The following FIG4 variants were observed in gnomAD, a reference collection of about 807,000 sequenced individuals.
FIG4 encodes FIG4 phosphoinositide 5-phosphatase.
In FIG4, 112 loss-of-function variants were observed where a neutral mutation model predicts 118.6. The observed-to-expected ratio is 0.94, with a 90% CI of 0.81 to 1.11. The LOEUF is 1.11. FIG4 is among the 50% of genes least tolerant of loss of function. The pLI is 0.00. For synonymous variants in FIG4, 369 were observed against 381.2 expected (o/e 0.97, Z 0.37); for missense variants, 969 against 1,111.7 (o/e 0.87, Z 1.83).
At chr6:109,754,615 A>G (rs1776822232) in intron 10 of FIG4, among the ~76,000 whole-genome samples, 1 of 152,146 alleles carries the variant, frequency 6.6e-6, no homozygotes, top group Admixed American at 6.5e-5. Context: ...CCACAATTTC[A>G]GATCCTGTTA....
chr6:109,697,599 T>C (rs1051221229), intron 1 of FIG4, among the ~76,000 whole-genome samples: 2 of 152,142 alleles, frequency 1.3e-5, no homozygotes, highest in African/African-American at 2.4e-5. Flanking sequence ...GCAATGTCTT[T>C]TGTGACTGAG....
At position 109,727,259 on chromosome 6, in the gene FIG4, A is replaced by T; in HGVS notation, c.440A>T (p.Glu147Val). Reference sequence around the variant, plus strand: ...TCTGTACGGGTTACTCATCCTGATGAAGCTAGGTATGTATGGTGGTAACTA... The same window carrying T: ...TCTGTACGGGTTACTCATCCTGATGTAGCTAGGTATGTATGGTGGTAACTA... ...NDSVRVTHPDEARYLRIFQNV... is the reference protein window; with the variant it reads ...NDSVRVTHPDVARYLRIFQNV... Residue 147 changes from glutamate (E) to valine (V), a missense_variant, in exon 4 of 23, where the codon GAA becomes GTA. Physicochemically the swap from Glu to Val is moderately radical, Grantham distance 121. Around this residue, in one of 3 missense-constraint regions of FIG4, gnomAD observed 393 missense variants for 409.4 expected, o/e 0.96. Coordinates refer to ENST00000230124, the MANE Select transcript of FIG4 (RefSeq NM_014845.6). 6.2e-7 allele frequency: 1 copy of T among 1,610,402 alleles called. No individual in the cohort carries two copies. The highest frequency in any genetic ancestry group is 8.5e-7 in the Non-Finnish European group (1 of 1,178,550).
intron 22 of FIG4, 92 bp from the exon 23 acceptor site, chr6:109,824,996 G>C (rs1779116242): frequency 1.7e-6 from 2 of 1,192,486 alleles, no homozygotes; most frequent in African/African-American, 3.0e-5. Context: ...CTTATTCAAT[G>C]CCAGCGACTC....
At chr6:109,761,884 T>C (rs893767452) in intron 11 of FIG4, among the ~76,000 whole-genome samples, 2 of 152,242 alleles carry the variant, frequency 1.3e-5, no homozygotes, top group Non-Finnish European at 2.9e-5. Context: ...AGGTCTTTTG[T>C]GTCTCTTTCA....
At chr6:109,710,487 G>A (rs532726409) in intron 1 of FIG4, among the ~76,000 whole-genome samples, 1 of 152,254 alleles carries the variant, frequency 6.6e-6, no homozygotes, top group African/African-American at 2.4e-5. Context: ...TTAGGGAGGA[G>A]TCCCTCCTCC....
chr6:109,716,192 C>G (rs1775425444), intron 2 of FIG4, among the ~76,000 whole-genome samples: 1 of 152,168 alleles, frequency 6.6e-6, no homozygotes, highest in Non-Finnish European at 1.5e-5. Context: ...CCTTAAATCT[C>G]TGCATCTCTG....
chr6:109,781,251 C>T (rs1296644215), intron 16 of FIG4, among the ~76,000 whole-genome samples: 1 of 152,222 alleles, frequency 6.6e-6, no homozygotes, highest in Non-Finnish European at 1.5e-5. Context: ...AAGATTTCCT[C>T]ATCCACTTGA....
At chr6:109,805,012 T>C (rs1044685701) in intron 22 of FIG4, among the ~76,000 whole-genome samples, 50 of 152,226 alleles carry the variant, frequency 3.3e-4, no homozygotes, top group Non-Finnish European at 7.2e-4. Flanking sequence ...AGATGCAAGG[T>C]TTAACAAATT....
intron 1 of FIG4, among the ~76,000 whole-genome samples, chr6:109,707,722 T>C (rs1775132142): frequency 6.6e-6 from 1 of 151,872 alleles, no homozygotes; most frequent in Non-Finnish European, 1.5e-5. Context: ...GTTTGTTATT[T>C]AGTTGCTTTG....
In FIG4 at chr6:109,691,298, T is replaced by G. The variant is rs550585093; in HGVS notation, c.-138T>G. The G allele has an allele frequency of 1.4e-6, 1 of 727,212 alleles. No individual in the cohort carries two copies. 45.0% of individuals were successfully genotyped at this position (727,212 alleles called of 1,614,324 possible). ...GGCGCAGGGATCCGGAAACACCTGA[T>G]CATCTATAGGTTTAGTGCCTAATGG... On this transcript the variant is annotated 5_prime_UTR_variant, in exon 1 of 23. Coordinates refer to ENST00000230124, the MANE Select transcript of FIG4 (RefSeq NM_014845.6).
At chr6:109,768,602 G>A (rs867439018) in intron 15 of FIG4, among the ~76,000 whole-genome samples, 13 of 152,166 alleles carry the variant, frequency 8.5e-5, no homozygotes, top group Admixed American at 7.9e-4. Flanking sequence ...CCCAGCCCAC[G>A]TGCTGGCAGA....
intron 15 of FIG4, among the ~76,000 whole-genome samples, chr6:109,774,814 G>T (rs1038172695): frequency 1.3e-5 from 2 of 152,084 alleles, no homozygotes; most frequent in African/African-American, 2.4e-5. Context: ...TTCAATGTCT[G>T]ATGTGAGGTA....
At chr6:109,769,830 G>A (rs1217802137) in intron 15 of FIG4, among the ~76,000 whole-genome samples, 1 of 152,124 alleles carries the variant, frequency 6.6e-6, no homozygotes, top group Non-Finnish European at 1.5e-5. Flanking sequence ...AAGGGCACAG[G>A]ATCCCCTGAG....
At chr6:109,757,827 A>C (rs1776967799) in intron 10 of FIG4, among the ~76,000 whole-genome samples, 1 of 152,260 alleles carries the variant, frequency 6.6e-6, no homozygotes, top group African/African-American at 2.4e-5. Context: ...TAATAGACAG[A>C]GAGTCAAATC....
intron 15 of FIG4, among the ~76,000 whole-genome samples, chr6:109,772,047 T>G (rs531947004): frequency 1.3e-5 from 2 of 152,332 alleles, no homozygotes; most frequent in African/African-American, 4.8e-5. Flanking sequence ...CCTGCTCCAC[T>G]TGGCAACTGC....
intron 1 of FIG4, among the ~76,000 whole-genome samples, chr6:109,703,733 G>A (rs1583628001): frequency 6.6e-6 from 1 of 152,170 alleles, no homozygotes; most frequent in East Asian, 1.9e-4. Flanking sequence ...CCACTCACAA[G>A]CGCCTGTCAT....
At chr6:109,813,233 G>A (rs1177267764) in intron 22 of FIG4, among the ~76,000 whole-genome samples, 1 of 152,136 alleles carries the variant, frequency 6.6e-6, no homozygotes, top group East Asian at 1.9e-4. Context: ...ATTTGAGAGT[G>A]AGTTTCAGGC....
At position 109,824,580 on chromosome 6, in the gene FIG4, G is replaced by A. The variant is rs116540000; in HGVS notation, c.2547-508G>A. ...ACAGTTCACATTTACTGAGCTCCCAGGCAGTACGCTAAGTGAACACTTTAT... is the reference window on the plus strand; with the variant it reads ...ACAGTTCACATTTACTGAGCTCCCAAGCAGTACGCTAAGTGAACACTTTAT... On this transcript the variant is annotated intron_variant, in intron 22 of 22. Coordinates refer to ENST00000230124, the MANE Select transcript of FIG4 (RefSeq NM_014845.6). Among the ~76,000 whole-genome samples the A allele has an allele frequency of 1.9e-3, 295 of 152,302 alleles. 1 individual carries two copies. Among genetic ancestry groups the A allele is most frequent in the African/African-American group, 7.0e-3 (289 of 41,556 alleles).
intron 3 of FIG4, 138 bp from the exon 4 acceptor site, chr6:109,726,970 AC>A: frequency 2.8e-6 from 2 of 704,808 alleles, no homozygotes; most frequent in South Asian, 1.7e-5. Context: ...ATCCTAAGAC[AC>A]CTGAAAATTT....
Sources: allele counts gnomAD v4.1 joint callset (sites outside exome capture counted in the v4.1 genomes callset), GRCh38; gene constraint gnomAD v4.1.1; regional missense constraint gnomAD v4.1.1; transcripts MANE v1.5; gene names NCBI Gene and HGNC (gene_info 2026-07-23, HGNC 2026-07-21).